The following ACO1 variants were observed in gnomAD, a reference collection of about 807,000 sequenced individuals.
The protein encoded by ACO1 is cytoplasmic aconitate hydratase.
ACO1 carries 78 observed loss-of-function variants against 105.1 expected under a neutral mutation model. The ratio of observed to expected loss-of-function variants is 0.74; its 90% CI spans 0.62 to 0.90. The LOEUF (loss-of-function observed/expected upper bound fraction) is 0.90, where lower values mean the gene tolerates loss of function less well. Among genes scored for constraint, ACO1 ranks in the 40% least tolerant of loss-of-function variants. The pLI is 0.00. For missense variants in ACO1, 965 were observed against 1,111.1 expected (o/e 0.87, Z 1.87); for synonymous variants, 364 against 397.4 (o/e 0.92, Z 1.00).
At position 32,449,096 on chromosome 9, in the gene ACO1, C is replaced by T. The variant is rs12350422; in HGVS notation, c.2556+15C>T. The T allele has an allele frequency of 1.9e-6, 3 of 1,585,082 alleles. No homozygotes were observed. Among genetic ancestry groups the T allele is most frequent in the African/African-American group, 2.7e-5 (2 of 73,742 alleles). On this transcript the variant is annotated intron_variant, in intron 20 of 20. Coordinates refer to ENST00000309951, the MANE Select transcript of ACO1 (RefSeq NM_002197.3). The stretch of plus-strand genomic sequence containing the variant: ...TCCAGGTCAAGGTAAGCTGGAGCCT[C>T]TCTATGCCAGGCCCTGTCGAAAGGG...
In ACO1 at chr9:32,405,613, T is replaced by A; in HGVS notation, c.97+10T>A. ...GAGGATTCAAGATATGGTAGGTACA[T>A]GGCTGTGATAGCAATTGGAATCTCA... On this transcript the variant is annotated intron_variant, in intron 2 of 20. Transcript: ENST00000309951. 1.3e-6 allele frequency: 2 copies of A among 1,564,254 alleles called. No homozygotes were observed. Among genetic ancestry groups the A allele is most frequent in the Non-Finnish European group, 1.8e-6 (2 of 1,140,556 alleles).
intron 19 of ACO1, among the ~76,000 whole-genome samples, chr9:32,441,073 G>A (rs1349801429): frequency 6.6e-6 from 1 of 152,174 alleles, no homozygotes; most frequent in Non-Finnish European, 1.5e-5. Flanking sequence ...GCAAGAATGG[G>A]TTCTAAGTCT....
In ACO1 at chr9:32,450,725, T is replaced by TAAAA; in HGVS notation, c.*614_*615insAAAA. The TAAAA allele has an allele frequency of 6.6e-6, 1 of 152,126 alleles. No homozygotes were observed. The highest frequency in any genetic ancestry group is 1.9e-4 in the East Asian group (1 of 5,176). 9.4% of individuals were successfully genotyped at this position (152,126 alleles called of 1,614,324 possible). ...TGATAGATCCACATAAAAAGAAATGTGAAGTTTTCTTTTACTATCTTTTCA... is the reference window on the plus strand; with the variant it reads ...TGATAGATCCACATAAAAAGAAATGTAAAAGAAGTTTTCTTTTACTATCTTTTCA... On this transcript the variant is annotated 3_prime_UTR_variant, in exon 21 of 21. Transcript: ENST00000309951.
intron 1 of ACO1, among the ~76,000 whole-genome samples, chr9:32,401,606 C>G (rs1387064638): frequency 6.6e-6 from 1 of 152,204 alleles, no homozygotes; most frequent in East Asian, 1.9e-4. Context: ...TAGTGCCATG[C>G]TATGTATGCA....
chr9:32,429,574 T>G, intron 13 of ACO1, 71 bp downstream of exon 13: 1 of 1,344,922 alleles, frequency 7.4e-7, no homozygotes, highest in Non-Finnish European at 1.1e-6. Flanking sequence ...AAAATGCTGA[T>G]ATTTTCAAGA....
intron 19 of ACO1, among the ~76,000 whole-genome samples, chr9:32,442,217 G>T (rs1331102368): frequency 6.6e-6 from 1 of 152,016 alleles, no homozygotes; most frequent in African/African-American, 2.4e-5. Flanking sequence ...ATGCAGCAGT[G>T]GTTGAGAACC....
intron 1 of ACO1, among the ~76,000 whole-genome samples, chr9:32,391,699 T>C (rs1404669100): frequency 1.3e-5 from 2 of 152,242 alleles, no homozygotes; most frequent in Non-Finnish European, 2.9e-5. Context: ...ATAACTGCTA[T>C]TGTGGAATTA....
At chr9:32,393,106 A>T (rs907924332) in intron 1 of ACO1, among the ~76,000 whole-genome samples, 1 of 152,224 alleles carries the variant, frequency 6.6e-6, no homozygotes, top group African/African-American at 2.4e-5. Flanking sequence ...AAAGAACAGG[A>T]TAACAGCAAT....
intron 1 of ACO1, among the ~76,000 whole-genome samples, chr9:32,390,658 A>C (rs1821248886): frequency 6.6e-6 from 1 of 152,238 alleles, no homozygotes; most frequent in Admixed American, 6.5e-5. Flanking sequence ...CATCACATTA[A>C]AAGAAAAATT....
chr9:32,433,896 C>A, intron 16 of ACO1, 64 bp downstream of exon 16: 1 of 1,251,378 alleles, frequency 8.0e-7, no homozygotes, highest in Non-Finnish European at 1.1e-6. Context: ...ATAATATCTA[C>A]TTTATTACCC....
chr9:32,449,044 C>T lies in ACO1; in HGVS notation c.2519C>T (p.Pro840Leu), dbSNP rs563271664. 5.0e-6 allele frequency: 8 copies of T among 1,610,964 alleles called. No homozygotes were observed. The highest frequency in any genetic ancestry group is 1.3e-5 in the African/African-American group (1 of 74,928). ...TGQERYTIII[P>L]ENLKPQMKVQ... ...CAAGAACGATACACTATCATTATTC[C>T]AGAAAACCTCAAACCACAAATGAAA... Residue 840 changes from proline (P) to leucine (L), a missense_variant, in exon 20 of 21, where the codon CCA becomes CTA. Pro to Leu is a moderately conservative substitution (Grantham distance 98). Coordinates refer to ENST00000309951, the MANE Select transcript of ACO1 (RefSeq NM_002197.3).
chr9:32,442,485 T>C (rs973597119), intron 19 of ACO1, among the ~76,000 whole-genome samples: 1 of 152,212 alleles, frequency 6.6e-6, no homozygotes, highest in Non-Finnish European at 1.5e-5. Flanking sequence ...TTCTAGTTAA[T>C]GGAGTACCAT....
intron 1 of ACO1, among the ~76,000 whole-genome samples, chr9:32,404,836 G>A (rs1015458591): frequency 3.9e-5 from 6 of 152,212 alleles, no homozygotes; most frequent in Non-Finnish European, 7.3e-5. Flanking sequence ...ACGTGTGTCA[G>A]AATCACCTAG....
At chr9:32,423,534 A>G in intron 9 of ACO1, 115 bp downstream of exon 9, 1 of 744,096 alleles carries the variant, frequency 1.3e-6, no homozygotes, top group Non-Finnish European at 2.3e-6. Flanking sequence ...CCAAGGCATT[A>G]CAAGAGAACG....
At chr9:32,435,233 G>T (rs753222225) in intron 17 of ACO1, among the ~76,000 whole-genome samples, 12 of 152,152 alleles carry the variant, frequency 7.9e-5, no homozygotes, top group Non-Finnish European at 1.5e-4. Context: ...CGAGAATCAC[G>T]TGAGGACATA....
intron 11 of ACO1, 21 bp downstream of exon 11, chr9:32,426,018 C>T (rs761183852): frequency 6.2e-7 from 1 of 1,611,550 alleles, no homozygotes; most frequent in Non-Finnish European, 8.5e-7. Context: ...TTGACTCCAT[C>T]CTCATGGTCA....
chr9:32,408,749 C>A (rs1231248875), intron 4 of ACO1, 98 bp downstream of exon 4: 2 of 1,353,250 alleles, frequency 1.5e-6, no homozygotes, highest in East Asian at 2.5e-5. Context: ...AGAAGAAAAT[C>A]TTTCAAAGAT....
intron 4 of ACO1, among the ~76,000 whole-genome samples, chr9:32,413,454 AG>A (rs1371953853): frequency 6.7e-6 from 1 of 149,530 alleles, no homozygotes; most frequent in African/African-American, 2.5e-5. Context: ...ACTGCACTCC[AG>A]CCTGGCAACA....
intron 1 of ACO1, among the ~76,000 whole-genome samples, chr9:32,390,044 TGCCTCA>T (rs1247884245): frequency 6.6e-6 from 1 of 152,224 alleles, no homozygotes; most frequent in African/African-American, 2.4e-5. Flanking sequence ...GTGATCCGCC[TGCCTCA>T]GCCTCCTGAA....
Sources: allele counts gnomAD v4.1 joint callset (sites outside exome capture counted in the v4.1 genomes callset), GRCh38; gene constraint gnomAD v4.1.1; transcripts MANE v1.5; gene names NCBI Gene and HGNC (gene_info 2026-07-23, HGNC 2026-07-21).